Variants in MYO16 observed in about 807,000 individuals in gnomAD.
MYO16 encodes myosin XVI.
In MYO16, 94 loss-of-function variants were observed where a neutral mutation model predicts 205.3. The observed-to-expected ratio is 0.46, with a 90% CI of 0.39 to 0.54. The LOEUF is 0.54. Ranked by LOEUF, MYO16 falls within the 20% of genes least tolerant of loss-of-function variation. The probability of loss-of-function intolerance (pLI) is 0.00; values close to 1 mark genes in which losing one functional copy is unlikely to be tolerated. For missense variants in MYO16, 2,315 were observed against 2,387.5 expected, an observed-to-expected ratio of 0.97 and a Z score of 0.63; for synonymous variants, 988 against 954.0, an observed-to-expected ratio of 1.04 and a Z score of -0.66.
chr13:109,107,810 CATATT>C lies in MYO16; in HGVS notation c.3438+6953_3438+6957del, dbSNP rs3042873. On this transcript the variant is annotated intron_variant, in intron 28 of 34. Coordinates refer to ENST00000457511, the MANE Select transcript of MYO16 (RefSeq NM_001198950.3). ...TCTGTTTGGAATCACCATATATATT[CATATT>C]ATATTATATTATATTATATTATATT... 6.5e-3 allele frequency among the ~76,000 whole-genome samples: 925 copies of C among 141,378 alleles called. 11 individuals are homozygous for C. The highest frequency in any genetic ancestry group is 0.022 in the African/African-American group (852 of 38,830). The allele number at this position is 141,378 out of a possible 152,430, so 92.7% of individuals were successfully genotyped here.
chr13:109,169,627 T>TAAAAA (rs35221178), intron 33 of MYO16, among the ~76,000 whole-genome samples: 1 of 148,866 alleles, frequency 6.7e-6, no homozygotes. Context: ...AATACATTCT[T>TAAAAA]AAAAAAAAAA....
rs1433616367 is a variant in MYO16, at chr13:109,127,616, G to T, written c.4051+66G>T. The stretch of plus-strand genomic sequence containing the variant: ...GCGCATGCTCTGACTTCGCCTTGGG[G>T]CGCCCATGGCAGTACTGTCGCCCTA... On this transcript the variant is annotated intron_variant, in intron 31 of 34. Transcript: ENST00000457511. The surrounding 1 kb of genome is among the most constrained non-coding windows in gnomAD (Gnocchi z 4.2). 8.5e-6 allele frequency: 13 copies of T among 1,537,238 alleles called. No homozygotes were observed. The highest frequency in any genetic ancestry group is 8.8e-6 in the Non-Finnish European group (10 of 1,135,754).
At chr13:108,975,509 C>T (rs975372186) in intron 20 of MYO16, among the ~76,000 whole-genome samples, 4 of 152,132 alleles carry the variant, frequency 2.6e-5, no homozygotes, top group Non-Finnish European at 5.9e-5. Flanking sequence ...TGAGTTAAAA[C>T]TTTGAAGATT....
intron 16 of MYO16, among the ~76,000 whole-genome samples, chr13:108,930,819 A>G (rs1882224472): frequency 6.6e-6 from 1 of 152,206 alleles, no homozygotes; most frequent in Non-Finnish European, 1.5e-5. Flanking sequence ...ATATAAATAA[A>G]CCAATGGGAA....
At chr13:109,098,788 T>A (rs1279945892) in intron 27 of MYO16, among the ~76,000 whole-genome samples, 1 of 152,204 alleles carries the variant, frequency 6.6e-6, no homozygotes, top group African/African-American at 2.4e-5. Flanking sequence ...ACTGAGCTGG[T>A]CATCACTGGT....
At chr13:108,751,140 A>G (rs1162065293) in intron 4 of MYO16, among the ~76,000 whole-genome samples, 1 of 152,114 alleles carries the variant, frequency 6.6e-6, no homozygotes, top group Non-Finnish European at 1.5e-5. Flanking sequence ...ACACTTTCAT[A>G]GCCATGAGCA....
At chr13:108,786,587 C>T (rs532212068) in intron 5 of MYO16, among the ~76,000 whole-genome samples, 1 of 152,316 alleles carries the variant, frequency 6.6e-6, no homozygotes, top group African/African-American at 2.4e-5. Context: ...CTCATTGTTC[C>T]CTTGTGCTCT....
At chr13:108,654,103 T>A (rs1018864733) in intron 1 of MYO16, among the ~76,000 whole-genome samples, 1 of 151,958 alleles carries the variant, frequency 6.6e-6, no homozygotes, top group Admixed American at 6.6e-5. Flanking sequence ...TGGGATGGGG[T>A]TAGGGTATTC....
intron 16 of MYO16, among the ~76,000 whole-genome samples, chr13:108,945,823 G>A (rs909163419): frequency 5.9e-5 from 9 of 152,036 alleles, no homozygotes; most frequent in African/African-American, 1.9e-4. Flanking sequence ...TTTAAAGATT[G>A]CCTGTAGAGT....
At chr13:109,182,407 C>G (rs1257340702) in intron 34 of MYO16, among the ~76,000 whole-genome samples, 1 of 152,102 alleles carries the variant, frequency 6.6e-6, no homozygotes, top group Non-Finnish European at 1.5e-5. Flanking sequence ...GCAGTAGTGG[C>G]TCCATGCAGC....
Position 109,125,228 on chromosome 13 carries a change from T to C in MYO16, c.3652T>C (p.Tyr1218His). The C allele has an allele frequency of 1.9e-6, 3 of 1,614,128 alleles. No individual in the cohort carries two copies. Among genetic ancestry groups the C allele is most frequent in the Non-Finnish European group, 2.5e-6 (3 of 1,180,024 alleles). ...CACAGAGGACATGGGGCTGAAAACC[T>C]ACGATGCCCTGGTCATTCAGAATGC... ...QNTEDMGLKTYDALVIQNASD... is the reference protein window; with the variant it reads ...QNTEDMGLKTHDALVIQNASD... Residue 1218 changes from tyrosine (Y) to histidine (H), a missense_variant, in exon 30 of 35, where the codon TAC (tyrosine) becomes CAC (histidine). Transcript: ENST00000457511. The surrounding 1 kb of genome is among the most constrained non-coding windows in gnomAD (Gnocchi z 4.0).
intron 16 of MYO16, among the ~76,000 whole-genome samples, chr13:108,923,596 C>T (rs1162776639): frequency 1.3e-5 from 2 of 152,228 alleles, no homozygotes; most frequent in Non-Finnish European, 2.9e-5. Flanking sequence ...CACTACCCAC[C>T]TCGGTGTGGG....
intron 1 of MYO16, 47 bp downstream of exon 1, chr13:108,629,919 AGTATTATTTTG>A: frequency 6.7e-7 from 1 of 1,496,352 alleles, no homozygotes; most frequent in African/African-American, 1.4e-5. Context: ...GTCTTGTTGA[AGTATTATTTTG>A]TGCAGATGCC....
intron 9 of MYO16, among the ~76,000 whole-genome samples, chr13:108,827,183 G>C (rs1270141761): frequency 6.6e-6 from 1 of 152,102 alleles, no homozygotes; most frequent in East Asian, 1.9e-4. Flanking sequence ...AATCATGGCT[G>C]CTCATTTTTC....
At chr13:108,775,540 A>G (rs1018949619) in intron 4 of MYO16, among the ~76,000 whole-genome samples, 3 of 152,142 alleles carry the variant, frequency 2.0e-5, no homozygotes, top group African/African-American at 4.8e-5. Context: ...AAAAGCTAAC[A>G]TAATACCTTA....
intron 23 of MYO16, among the ~76,000 whole-genome samples, chr13:109,045,821 C>T (rs1009995688): frequency 1.3e-5 from 2 of 152,206 alleles, no homozygotes; most frequent in African/African-American, 4.8e-5. Context: ...TCTCTAATAT[C>T]CATTCACTGC....
chr13:108,992,144 G>A (rs545600959), intron 20 of MYO16, among the ~76,000 whole-genome samples: 41 of 152,218 alleles, frequency 2.7e-4, no homozygotes, highest in African/African-American at 9.4e-4. Flanking sequence ...ACAAGACGAT[G>A]TGTTTTTATA....
chr13:108,645,218 A>G (rs1481177458), intron 1 of MYO16, among the ~76,000 whole-genome samples: 1 of 152,212 alleles, frequency 6.6e-6, no homozygotes, highest in Non-Finnish European at 1.5e-5. Context: ...CCAAACTTAC[A>G]TTGATAAGAT....
chr13:108,893,657 A>G (rs1880274557), intron 14 of MYO16, among the ~76,000 whole-genome samples: 3 of 152,170 alleles, frequency 2.0e-5, no homozygotes, highest in African/African-American at 7.2e-5. Flanking sequence ...CTAAGAGGAG[A>G]GGACAATGTG....
Sources: gnomAD v4.1 joint callset for allele counts (sites outside exome capture counted in the v4.1 genomes callset) on GRCh38, gnomAD v4.1.1 for gene constraint, Gnocchi (gnomAD v3.1) non-coding constraint, MANE v1.5 for transcripts, NCBI Gene and HGNC (gene_info 2026-07-23, HGNC 2026-07-21) for gene names.